Variants in IL17B observed in about 807,000 individuals in gnomAD.
IL17B encodes the protein interleukin-17B.
A neutral mutation model predicts 14.7 loss-of-function variants in IL17B; 14 were observed. That is an observed-to-expected ratio of 0.95 (90% CI 0.63 to 1.49). The LOEUF (loss-of-function observed/expected upper bound fraction) is 1.49, where lower values mean the gene tolerates loss of function less well. Ranked by LOEUF, IL17B falls within the 40% of genes most tolerant of loss-of-function variation. The pLI is 0.00. For synonymous variants in IL17B, 105 were observed against 94.8 expected (o/e 1.11, Z -0.62); for missense variants, 233 against 252.8 (o/e 0.92, Z 0.53).
At chr5:149,377,283 C>T (rs2127617341) in intron 1 of IL17B, among the ~76,000 whole-genome samples, 1 of 152,328 alleles carries the variant, frequency 6.6e-6, no homozygotes, top group East Asian at 1.9e-4. Flanking sequence ...CCTCTGCCTG[C>T]AGCATTCTGC....
chr5:149,385,960 T>TGGGGGCTCATGGGTGGC (rs1758819131), intron 1 of IL17B, among the ~76,000 whole-genome samples: 2 of 152,130 alleles, frequency 1.3e-5, no homozygotes, highest in Non-Finnish European at 2.9e-5. Context: ...AGAGGAGTCC[T>TGGGGGCTCATGGGTGGC]GGGGGCTCAT....
intron 1 of IL17B, among the ~76,000 whole-genome samples, chr5:149,397,516 C>A (rs1759115345): frequency 6.6e-6 from 1 of 152,164 alleles, no homozygotes; most frequent in Admixed American, 6.5e-5. Context: ...ATACACTTCA[C>A]TATCATGGCC....
intron 1 of IL17B, among the ~76,000 whole-genome samples, chr5:149,392,199 G>T (rs1007697179): frequency 2.0e-5 from 3 of 152,254 alleles, no homozygotes; most frequent in African/African-American, 7.2e-5. Context: ...ATGTGGAAAT[G>T]ACACAAAGAC....
Position 149,376,759 on chromosome 5 carries a change from C to G in IL17B, c.288G>C (p.Arg96Ser). The change falls in exon 2 of 3, where the codon AGG (arginine) becomes AGC (serine). Residue 96 changes from arginine to serine, a missense_variant. Arg to Ser is a moderately radical substitution (Grantham distance 110). Coordinates refer to ENST00000261796, the MANE Select transcript of IL17B (RefSeq NM_014443.3). ...ACCTGTAGCCCCAGGGAGACAGGCTCCTCTTGTTGGACATCCACAGCTGCA... is the reference window on the plus strand; with the variant it reads ...ACCTGTAGCCCCAGGGAGACAGGCTGCTCTTGTTGGACATCCACAGCTGCA... ...VNLQLWMSNK[R>S]SLSPWGYSIN... 2 of 1,611,698 alleles carry G rather than the reference C, an allele frequency of 1.2e-6. No homozygotes were observed. The highest frequency in any genetic ancestry group is 1.7e-6 in the Non-Finnish European group (2 of 1,178,696).
chr5:149,396,242 A>G (rs1376045560), intron 1 of IL17B, among the ~76,000 whole-genome samples: 2 of 152,242 alleles, frequency 1.3e-5, no homozygotes, highest in Admixed American at 6.5e-5. Flanking sequence ...GCATTGATAA[A>G]GTGCTTCACT....
intron 2 of IL17B, among the ~76,000 whole-genome samples, chr5:149,376,509 TAAC>T (rs1464456636): frequency 6.6e-6 from 1 of 152,220 alleles, no homozygotes; most frequent in Non-Finnish European, 1.5e-5. Flanking sequence ...ATATCTCACT[TAAC>T]AAGACTCTGA....
intron 1 of IL17B, among the ~76,000 whole-genome samples, chr5:149,388,514 A>G (rs1758872770): frequency 6.6e-6 from 1 of 152,158 alleles, no homozygotes; most frequent in African/African-American, 2.4e-5. Flanking sequence ...AGCGTTTTAA[A>G]TGTCTGTCTC....
intron 1 of IL17B, among the ~76,000 whole-genome samples, chr5:149,385,357 G>T (rs1165357770): frequency 6.7e-6 from 1 of 149,024 alleles, no homozygotes; most frequent in Non-Finnish European, 1.5e-5. Context: ...CTCCATCTCA[G>T]AAAAAACAAA....
chr5:149,376,694 C>T (rs879122349), intron 2 of IL17B, 42 bp downstream of exon 2: 7 of 1,559,304 alleles, frequency 4.5e-6, no homozygotes, highest in Non-Finnish European at 6.1e-6. Flanking sequence ...CAGGAAAGGT[C>T]CCCACCCCCC....
intron 1 of IL17B, among the ~76,000 whole-genome samples, chr5:149,395,692 A>G (rs985632949): frequency 2.0e-5 from 3 of 152,122 alleles, no homozygotes; most frequent in Non-Finnish European, 2.9e-5. Flanking sequence ...TATTCTTTTG[A>G]GGAGGAGTCT....
At chr5:149,377,757 G>A (rs1488110416) in intron 1 of IL17B, among the ~76,000 whole-genome samples, 1 of 152,102 alleles carries the variant, frequency 6.6e-6, no homozygotes, top group Non-Finnish European at 1.5e-5. Flanking sequence ...TGTCAGGTGA[G>A]GCATGGCAGG....
intron 1 of IL17B, among the ~76,000 whole-genome samples, chr5:149,397,675 T>C (rs1310537585): frequency 6.6e-6 from 1 of 152,180 alleles, no homozygotes; most frequent in African/African-American, 2.4e-5. Flanking sequence ...CATGTAGATA[T>C]ATGAGAGATT....
At chr5:149,385,682 C>A (rs1254652805) in intron 1 of IL17B, among the ~76,000 whole-genome samples, 1 of 152,230 alleles carries the variant, frequency 6.6e-6, no homozygotes, top group Non-Finnish European at 1.5e-5. Flanking sequence ...GGATGTTTAT[C>A]CTCTGCTCAG....
Position 149,376,727 on chromosome 5 carries a change from C to G in IL17B, c.311+9G>C. The G allele has an allele frequency of 6.3e-7, 1 of 1,594,066 alleles. No individual in the cohort carries two copies. The highest frequency in any genetic ancestry group is 8.5e-7 in the Non-Finnish European group (1 of 1,169,864). ...CCCAAAGACAGCTTGCCACCACTGC[C>G]CAGCCTACCTGTAGCCCCAGGGAGA... On this transcript the variant is annotated intron_variant, in intron 2 of 2. Coordinates refer to ENST00000261796, the MANE Select transcript of IL17B (RefSeq NM_014443.3).
intron 1 of IL17B, among the ~76,000 whole-genome samples, chr5:149,400,270 A>T (rs1759180494): frequency 6.6e-6 from 1 of 152,138 alleles, no homozygotes; most frequent in African/African-American, 2.4e-5. Flanking sequence ...ATGAAAGCAG[A>T]TATCAGGGCG....
chr5:149,376,718 C>CTT lies in IL17B; in HGVS notation c.311+17_311+18insAA, dbSNP rs1758550329. 4 of 1,583,272 alleles carry CTT rather than the reference C, an allele frequency of 2.5e-6. No homozygotes were observed. The highest frequency in any genetic ancestry group is 2.7e-5 in the African/African-American group (2 of 74,084). On this transcript the variant is annotated intron_variant, in intron 2 of 2. Coordinates refer to ENST00000261796, the MANE Select transcript of IL17B (RefSeq NM_014443.3). ...TCCCCACCCCCCAAAGACAGCTTGC[C>CTT]ACCACTGCCCAGCCTACCTGTAGCC...
chr5:149,378,934 C>T (rs1561711436), intron 1 of IL17B, among the ~76,000 whole-genome samples: 1 of 152,224 alleles, frequency 6.6e-6, no homozygotes, highest in Admixed American at 6.5e-5. Flanking sequence ...GGAAAAACCC[C>T]GATAACTGAG....
intron 2 of IL17B, 39 bp downstream of exon 2, chr5:149,376,697 C>T (rs1758547804): frequency 6.4e-7 from 1 of 1,561,356 alleles, no homozygotes; most frequent in African/African-American, 1.4e-5. Flanking sequence ...GAAAGGTCCC[C>T]ACCCCCCAAA....
intron 1 of IL17B, among the ~76,000 whole-genome samples, chr5:149,378,172 C>T (rs765696590): frequency 6.4e-4 from 97 of 152,166 alleles, no homozygotes; most frequent in Non-Finnish European, 1.3e-3. Context: ...TTTGCTGAAT[C>T]GAATGGAATG....
Sources: allele counts gnomAD v4.1 joint callset (sites outside exome capture counted in the v4.1 genomes callset), GRCh38; gene constraint gnomAD v4.1.1; transcripts MANE v1.5; gene names NCBI Gene and HGNC (gene_info 2026-07-23, HGNC 2026-07-21).